RELN: variants seen among roughly 807,000 people sequenced by gnomAD.
RELN encodes reelin.
Under a neutral mutation model 427.6 loss-of-function variants are expected in RELN, and 108 were observed. The ratio of observed to expected loss-of-function variants is 0.25; its 90% CI spans 0.22 to 0.30. The LOEUF (loss-of-function observed/expected upper bound fraction) is 0.30, where lower values mean the gene tolerates loss of function less well. Ranked by LOEUF, RELN falls within the 10% of genes least tolerant of loss-of-function variation. RELN has a pLI of 1.00. For synonymous variants in RELN, 1,524 were observed against 1,513.4 expected (o/e 1.01, Z -0.16); for missense variants, 3,715 against 4,302.8 (o/e 0.86, Z 3.82).
At chr7:103,558,160 T>A (rs1830566053) in intron 36 of RELN, 111 bp from the exon 37 acceptor site, 1 of 662,380 alleles carries the variant, frequency 1.5e-6, no homozygotes, top group African/African-American at 1.8e-5. Context: ...CATATCATGA[T>A]CAAGAAGCAA....
At chr7:103,666,273 C>T (rs1021482789) in intron 11 of RELN, among the ~76,000 whole-genome samples, 13 of 151,842 alleles carry the variant, frequency 8.6e-5, no homozygotes, top group African/African-American at 1.2e-4. Flanking sequence ...TGTTTTGTCA[C>T]GTTGCCCAGG....
chr7:103,605,285 T>C (rs1236247606), intron 22 of RELN, among the ~76,000 whole-genome samples: 5 of 152,204 alleles, frequency 3.3e-5, no homozygotes, highest in African/African-American at 4.8e-5. Flanking sequence ...TGAGGGGACA[T>C]ACCACAATGT....
chr7:103,824,928 G>A lies in RELN; in HGVS notation c.473+8609C>T, dbSNP rs931892308. On this transcript the variant is annotated intron_variant, in intron 3 of 64. Coordinates refer to ENST00000428762, the MANE Select transcript of RELN (RefSeq NM_005045.4). The surrounding 1 kb of genome is among the most constrained non-coding windows in gnomAD (Gnocchi z 4.4). ...TATAGGATGGTGGTTTAAAGAACAC[G>A]TTTTGGATCAAAACACACCTGTCTT... Among the ~76,000 whole-genome samples, 1 of 151,952 alleles carries A rather than the reference G, an allele frequency of 6.6e-6. No homozygotes were observed. Among genetic ancestry groups the A allele is most frequent in the Non-Finnish European group, 1.5e-5 (1 of 67,992 alleles).
chr7:103,820,905 TGA>T (rs1792998324), intron 3 of RELN, among the ~76,000 whole-genome samples: 1 of 151,990 alleles, frequency 6.6e-6, no homozygotes, highest in African/African-American at 2.4e-5. Flanking sequence ...CGTTTAATTT[TGA>T]GAGAAAAACT....
intron 2 of RELN, among the ~76,000 whole-genome samples, chr7:103,886,117 G>C (rs1397621297): frequency 6.6e-6 from 1 of 152,096 alleles, no homozygotes; most frequent in African/African-American, 2.4e-5. Context: ...TATTAGGATA[G>C]GTGATAGATG....
chr7:103,713,877 G>T (rs1584429039), intron 8 of RELN, among the ~76,000 whole-genome samples: 1 of 152,106 alleles, frequency 6.6e-6, no homozygotes, highest in Non-Finnish European at 1.5e-5. Flanking sequence ...GTAGAAAAAT[G>T]ATTATATCAT....
chr7:103,703,511 C>T (rs1188748019), intron 8 of RELN, among the ~76,000 whole-genome samples: 1 of 152,190 alleles, frequency 6.6e-6, no homozygotes, highest in Admixed American at 6.5e-5. Context: ...TACCCAGACA[C>T]TGTGACACCT....
At chr7:103,934,626 A>G (rs1795939892) in intron 1 of RELN, among the ~76,000 whole-genome samples, 1 of 152,212 alleles carries the variant, frequency 6.6e-6, no homozygotes, top group South Asian at 2.1e-4. Context: ...CCACACTGAT[A>G]GACAATGAAT....
rs1422355308 is a variant in RELN at position 103,573,558 on chromosome 7, ATAATT to A, written c.4511+529_4511+533del. Among the ~76,000 whole-genome samples the A allele has an allele frequency of 1.3e-5, 2 of 152,236 alleles. No individual in the cohort carries two copies. Among genetic ancestry groups the A allele is most frequent in the East Asian group, 3.8e-4 (2 of 5,198 alleles). On this transcript the variant is annotated intron_variant, in intron 30 of 64. Transcript: ENST00000428762. The surrounding 1 kb of genome is among the most constrained non-coding windows in gnomAD (Gnocchi z 4.4). ...CTATTTCCTTTCTTCCACTTCTCAA[ATAATT>A]TAATTGCTCTTTTAAAAAGCAGTTT...
intron 27 of RELN, among the ~76,000 whole-genome samples, chr7:103,591,275 G>A (rs577064640): frequency 6.6e-6 from 1 of 152,072 alleles, no homozygotes; most frequent in Non-Finnish European, 1.5e-5. Flanking sequence ...TTTTTAGAAG[G>A]AAAATTGAAA....
Position 103,758,361 on chromosome 7 carries a change from A to T in RELN, c.545-5147T>A, listed in dbSNP as rs537773959. Among the ~76,000 whole-genome samples, 4 of 152,226 alleles carry T rather than the reference A, an allele frequency of 2.6e-5. 1 individual carries two copies. Among genetic ancestry groups the T allele is most frequent in the African/African-American group, 9.6e-5 (4 of 41,548 alleles). ...ATAAAATATAAAATGTTACACAGGT[A>T]AGTTAAAATAAAGGTTCTACTTTGC... On this transcript the variant is annotated intron_variant, in intron 4 of 64. Coordinates refer to ENST00000428762, the MANE Select transcript of RELN (RefSeq NM_005045.4).
chr7:103,560,062 T>C (rs1562891053), intron 36 of RELN, among the ~76,000 whole-genome samples: 1 of 152,208 alleles, frequency 6.6e-6, no homozygotes, highest in African/African-American at 2.4e-5. Context: ...TTTGTAATAT[T>C]TGTTTATAGG....
intron 1 of RELN, among the ~76,000 whole-genome samples, chr7:103,922,927 AT>A (rs200791681): frequency 2.0e-5 from 3 of 150,530 alleles, no homozygotes; most frequent in Admixed American, 6.6e-5. Flanking sequence ...TGATGTTCCC[AT>A]TTTTTTTTCA....
intron 1 of RELN, among the ~76,000 whole-genome samples, chr7:103,946,963 G>A (rs1030911677): frequency 2.0e-5 from 3 of 152,166 alleles, no homozygotes; most frequent in Non-Finnish European, 2.9e-5. Context: ...ATTTTAGGCA[G>A]TATAAAGTAT....
chr7:103,596,488 T>G lies in RELN; in HGVS notation c.3507A>C (p.Ala1169=), dbSNP rs1831539892. 1 of 1,613,936 alleles carries G rather than the reference T, an allele frequency of 6.2e-7. No homozygotes were observed. Among genetic ancestry groups the G allele is most frequent in the African/African-American group, 1.3e-5 (1 of 74,938 alleles). The stretch of plus-strand genomic sequence containing the variant: ...TGCTGAAGTCTGAAAAGTACATCTC[T>G]GCTAGCAGGTGCCACTGGATGCCCC... ...NNGGIQWHLL[A]EMYFSDFSKP... is the part of the protein sequence containing the mutation. The change falls in exon 25 of 65, where the codon GCA becomes GCC. Residue 1169 remains alanine (A), a synonymous_variant. Coordinates refer to ENST00000428762, the MANE Select transcript of RELN (RefSeq NM_005045.4).
intron 46 of RELN, among the ~76,000 whole-genome samples, chr7:103,524,705 T>G (rs1333984641): frequency 6.6e-6 from 1 of 152,186 alleles, no homozygotes; most frequent in Non-Finnish European, 1.5e-5. Flanking sequence ...GTTTGCATTT[T>G]CCAAATGAAA....
At chr7:103,625,161 G>A (rs953151480) in intron 20 of RELN, among the ~76,000 whole-genome samples, 4 of 152,120 alleles carry the variant, frequency 2.6e-5, no homozygotes, top group African/African-American at 4.8e-5. Flanking sequence ...CAGGCTTTTA[G>A]GATCCTTCAG....
At chr7:103,784,081 C>T (rs1427446514) in intron 3 of RELN, among the ~76,000 whole-genome samples, 2 of 152,030 alleles carry the variant, frequency 1.3e-5, no homozygotes, top group African/African-American at 2.4e-5. Context: ...GCAGATTAAA[C>T]CACATTTTAT....
At chr7:103,575,440 A>G in intron 29 of RELN, 108 bp downstream of exon 29, 1 of 1,263,140 alleles carries the variant, frequency 7.9e-7, no homozygotes, top group South Asian at 1.2e-5. Flanking sequence ...CCTAGACTTA[A>G]AGAGGAATAA....
Sources: allele counts gnomAD v4.1 joint callset (sites outside exome capture counted in the v4.1 genomes callset), GRCh38; gene constraint gnomAD v4.1.1; non-coding constraint Gnocchi (gnomAD v3.1); transcripts MANE v1.5; gene names NCBI Gene and HGNC (gene_info 2026-07-23, HGNC 2026-07-21).